Variants in LRP2 observed in about 807,000 individuals in gnomAD.
LRP2 encodes LDL receptor related protein 2, also known as low-density lipoprotein receptor-related protein 2.
A neutral mutation model predicts 531.0 loss-of-function variants in LRP2; 172 were observed. The ratio of observed to expected loss-of-function variants is 0.32; its 90% CI spans 0.29 to 0.37. LRP2 has a LOEUF of 0.37. Among genes scored for constraint, LRP2 ranks in the 10% least tolerant of loss-of-function variants. The pLI, the probability that LRP2 is intolerant of heterozygous loss-of-function variation, is 1.00. For synonymous variants in LRP2, 1,992 were observed against 2,027.6 expected, an observed-to-expected ratio of 0.98 and a Z score of 0.47; for missense variants, 5,167 against 5,868.3, an observed-to-expected ratio of 0.88 and a Z score of 3.90.
At chr2:169,308,796 A>G (rs1684502371) in intron 3 of LRP2, among the ~76,000 whole-genome samples, 1 of 152,210 alleles carries the variant, frequency 6.6e-6, no homozygotes, top group Admixed American at 6.5e-5. Context: ...AGGAATCGCC[A>G]CACTGTCTTC....
At chr2:169,333,514 AAGGG>A (rs369333591) in intron 1 of LRP2, among the ~76,000 whole-genome samples, 148 of 131,542 alleles carry the variant, frequency 1.1e-3, no homozygotes, top group Middle Eastern at 7.2e-3. Flanking sequence ...GGAAGGAAGG[AAGGG>A]AGGGAGGGAG....
At chr2:169,255,355 G>A (rs1032977617) in intron 19 of LRP2, among the ~76,000 whole-genome samples, 5 of 152,118 alleles carry the variant, frequency 3.3e-5, no homozygotes, top group Admixed American at 2.6e-4. Flanking sequence ...CATGGTACCA[G>A]GCTACATTCT....
At position 169,354,817 on chromosome 2, in the gene LRP2, G is replaced by T. The variant is rs78504423; in HGVS notation, c.79+7504C>A. ...CCATTTATGAAAGAAGTCCATAGAT[G>T]AAGTGCTAAGGACACTCAGATGTGC... On this transcript the variant is annotated intron_variant, in intron 1 of 78. Coordinates refer to ENST00000649046, the MANE Select transcript of LRP2 (RefSeq NM_004525.3). Among the ~76,000 whole-genome samples, 61 of 152,320 alleles carry T rather than the reference G, an allele frequency of 4.0e-4. 2 individuals carry two copies. The East Asian group carries it at 0.012, about 29-fold the overall frequency.
At chr2:169,288,680 G>A (rs893819847) in intron 9 of LRP2, among the ~76,000 whole-genome samples, 2 of 152,280 alleles carry the variant, frequency 1.3e-5, no homozygotes, top group East Asian at 3.9e-4. Context: ...CCAACCTCAT[G>A]GAAGTAGTTC....
chr2:169,198,726 T>C (rs1688086097), intron 45 of LRP2, 60 bp downstream of exon 45: 1 of 1,595,738 alleles, frequency 6.3e-7, no homozygotes, highest in Non-Finnish European at 8.6e-7. Context: ...CATATCTTTG[T>C]ATTAGCTCAC....
intron 16 of LRP2, among the ~76,000 whole-genome samples, chr2:169,263,899 T>C (rs1425333808): frequency 6.6e-6 from 1 of 152,140 alleles, no homozygotes. Flanking sequence ...ATATATGCCA[T>C]GGAATACTAT....
Position 169,239,766 on chromosome 2 carries a change from C to G in LRP2, c.4055G>C (p.Ser1352Thr), listed in dbSNP as rs1689737851. 6.2e-7 allele frequency: 1 copy of G among 1,613,804 alleles called. No homozygotes were observed. Among genetic ancestry groups the G allele is most frequent in the Non-Finnish European group, 8.5e-7 (1 of 1,179,710 alleles). The change falls in exon 26 of 79, where the codon AGC becomes ACC. Residue 1352 changes from serine (S) to threonine (T), a missense_variant. Ser to Thr is a moderately conservative substitution (Grantham distance 58). This residue lies in a region of LRP2 where 2,811 missense variants were observed against 3,058.0 expected (regional missense o/e 0.92). Coordinates refer to ENST00000649046, the MANE Select transcript of LRP2 (RefSeq NM_004525.3). The part of the protein sequence containing the change: ...TDESPLCNGN[S>T]CSDFNGGCTH... ...ACAACCACCATTGAAATCTGAGCAG[C>G]TGTTCCCATCTAGAAAAAAGAAAGA...
intron 24 of LRP2, 75 bp downstream of exon 24, chr2:169,242,881 G>A: frequency 9.5e-7 from 1 of 1,054,386 alleles, no homozygotes; most frequent in Non-Finnish European, 1.5e-6. Flanking sequence ...GAAAATGTGT[G>A]GCAATATCAA....
intron 22 of LRP2, among the ~76,000 whole-genome samples, 171 bp from the exon 23 acceptor site, chr2:169,243,693 T>G (rs1689896485): frequency 6.6e-6 from 1 of 152,132 alleles, no homozygotes; most frequent in African/African-American, 2.4e-5. Flanking sequence ...AACTCAAAAC[T>G]AGGATAGGTT....
chr2:169,182,592 CT>C, intron 50 of LRP2: 1 of 1,321,616 alleles, frequency 7.6e-7, no homozygotes, highest in Non-Finnish European at 9.7e-7. Flanking sequence ...TCTGGTTTTA[CT>C]TTCCTCATGC....
intron 1 of LRP2, among the ~76,000 whole-genome samples, chr2:169,354,870 G>A (rs1253586900): frequency 1.3e-5 from 2 of 152,184 alleles, no homozygotes; most frequent in Admixed American, 1.3e-4. Context: ...CTCCACAGAA[G>A]CATCTTAACC....
intron 64 of LRP2, among the ~76,000 whole-genome samples, chr2:169,156,997 G>A (rs1686354916): frequency 6.6e-6 from 1 of 152,192 alleles, no homozygotes; most frequent in African/African-American, 2.4e-5. Context: ...GTAAGTAGGT[G>A]TATAATAAAT....
chr2:169,247,375 C>T lies in LRP2; in HGVS notation c.2908+3G>A. On this transcript the variant is annotated splice_donor_region_variant and intron_variant, in intron 20 of 78. Coordinates refer to ENST00000649046, the MANE Select transcript of LRP2 (RefSeq NM_004525.3). The stretch of plus-strand genomic sequence containing the variant: ...ATAAAAAAAACTGGGCAATCTCACT[C>T]ACCAGTCTGGATGTTGACATCATAC... The T allele has an allele frequency of 6.2e-7, 1 of 1,614,100 alleles. No individual in the cohort carries two copies.
At chr2:169,164,860 T>C (rs1383780784) in intron 62 of LRP2, among the ~76,000 whole-genome samples, 1 of 152,200 alleles carries the variant, frequency 6.6e-6, no homozygotes, top group Admixed American at 6.5e-5. Context: ...TCTTGCTCCA[T>C]TTTTTAAAAA....
At chr2:169,305,694 A>T (rs992063450) in intron 4 of LRP2, among the ~76,000 whole-genome samples, 1 of 152,248 alleles carries the variant, frequency 6.6e-6, no homozygotes, top group African/African-American at 2.4e-5. Flanking sequence ...TAAATTTAAG[A>T]GCAAACAAAA....
chr2:169,320,922 T>C, intron 1 of LRP2, 38 bp from the exon 2 acceptor site: 2 of 1,365,558 alleles, frequency 1.5e-6, no homozygotes, highest in Non-Finnish European at 1.0e-6. Flanking sequence ...ACTTATGCCA[T>C]GCAGATATTT....
Position 169,313,495 on chromosome 2 carries a change from G to T in LRP2, c.310+5267C>A, listed in dbSNP as rs370657243. Among the ~76,000 whole-genome samples the T allele has an allele frequency of 9.2e-5, 14 of 152,252 alleles. 1 individual carries two copies. The South Asian group carries it at 2.3e-3, about 25-fold the overall frequency. ...GGTCCACTCCAGACCCTGTTTGCCT[G>T]GGTATCATCAGTGGAGTCTGCAGAA... On this transcript the variant is annotated intron_variant, in intron 3 of 78. Coordinates refer to ENST00000649046, the MANE Select transcript of LRP2 (RefSeq NM_004525.3).
intron 21 of LRP2, among the ~76,000 whole-genome samples, chr2:169,246,366 G>A (rs921625314): frequency 3.3e-5 from 5 of 152,010 alleles, no homozygotes; most frequent in African/African-American, 7.2e-5. Context: ...CTCGGCCTCC[G>A]ATTACAGGCA....
chr2:169,186,755 T>C (rs1276147974), intron 49 of LRP2, among the ~76,000 whole-genome samples: 1 of 152,154 alleles, frequency 6.6e-6, no homozygotes, highest in Non-Finnish European at 1.5e-5. Flanking sequence ...GTTGTAAGAG[T>C]GAATGTTTCA....
Sources: allele counts gnomAD v4.1 joint callset (sites outside exome capture counted in the v4.1 genomes callset), GRCh38; gene constraint gnomAD v4.1.1; regional missense constraint gnomAD v4.1.1; transcripts MANE v1.5; gene names NCBI Gene and HGNC (gene_info 2026-07-23, HGNC 2026-07-21).